The following MDGA2 variants were observed in gnomAD, a reference collection of about 807,000 sequenced individuals.
MDGA2 encodes MAM domain containing glycosylphosphatidylinositol anchor 2.
A neutral mutation model predicts 117.8 loss-of-function variants in MDGA2; 40 were observed. That is an observed-to-expected ratio of 0.34 (90% CI 0.26 to 0.44). The LOEUF (loss-of-function observed/expected upper bound fraction) is 0.44, where lower values mean the gene tolerates loss of function less well. Among genes scored for constraint, MDGA2 ranks in the 20% least tolerant of loss-of-function variants. The pLI is 1.00. For missense variants in MDGA2, 1,123 were observed against 1,250.6 expected (o/e 0.90, Z 1.54); for synonymous variants, 452 against 439.0 (o/e 1.03, Z -0.37).
intron 9 of MDGA2, among the ~76,000 whole-genome samples, chr14:46,928,124 C>T (rs938788905): frequency 2.0e-5 from 3 of 152,048 alleles, no homozygotes; most frequent in African/African-American, 7.2e-5. Context: ...ATAAATGTCT[C>T]ATTTCCCAGA....
At chr14:46,881,824 T>C (rs1330443166) in intron 11 of MDGA2, among the ~76,000 whole-genome samples, 2 of 152,210 alleles carry the variant, frequency 1.3e-5, no homozygotes, top group East Asian at 3.9e-4. Context: ...AGGTTCACAA[T>C]TAACTAAATT....
At chr14:47,222,631 C>T (rs1886343689) in intron 2 of MDGA2, among the ~76,000 whole-genome samples, 1 of 152,030 alleles carries the variant, frequency 6.6e-6, no homozygotes, top group Non-Finnish European at 1.5e-5. Flanking sequence ...AGTCATCTAT[C>T]CACAAGGTAA....
At chr14:47,082,988 G>A (rs1014039885) in intron 6 of MDGA2, among the ~76,000 whole-genome samples, 2 of 151,958 alleles carry the variant, frequency 1.3e-5, no homozygotes, top group Non-Finnish European at 2.9e-5. Flanking sequence ...ATACAAGACT[G>A]GTGAACAAGA....
chr14:47,322,510 C>T (rs905037033), intron 1 of MDGA2, among the ~76,000 whole-genome samples: 17 of 152,162 alleles, frequency 1.1e-4, no homozygotes, highest in Non-Finnish European at 2.1e-4. Flanking sequence ...AACAATCTGA[C>T]GAGGAGATAC....
chr14:47,486,441 G>C (rs1894063235), intron 1 of MDGA2, among the ~76,000 whole-genome samples: 1 of 152,160 alleles, frequency 6.6e-6, no homozygotes, highest in African/African-American at 2.4e-5. Context: ...TCTTCTCTTG[G>C]ATAAGACTTT....
At chr14:47,594,792 A>C (rs141225242) in intron 1 of MDGA2, among the ~76,000 whole-genome samples, 1 of 152,216 alleles carries the variant, frequency 6.6e-6, no homozygotes, top group Non-Finnish European at 1.5e-5. Flanking sequence ...CAACTGTGTA[A>C]CCAGAACTGT....
intron 1 of MDGA2, among the ~76,000 whole-genome samples, chr14:47,632,888 G>T (rs189619257): frequency 3.3e-5 from 5 of 151,530 alleles, no homozygotes; most frequent in Non-Finnish European, 7.4e-5. Flanking sequence ...TGTTTGAACT[G>T]GGACTCTATC....
rs1031387791 is a variant in MDGA2 at position 47,037,626 on chromosome 14, TATTG to T, written c.1526-2326_1526-2323del. 2.8e-4 allele frequency among the ~76,000 whole-genome samples: 42 copies of T among 152,318 alleles called. 1 individual carries two copies. Among genetic ancestry groups the T allele is most frequent in the African/African-American group, 9.4e-4 (39 of 41,586 alleles). On this transcript the variant is annotated intron_variant, in intron 7 of 16. Coordinates refer to ENST00000399232, the MANE Select transcript of MDGA2 (RefSeq NM_001113498.3). ...TTATCTTTTCTTTCTTTTATCCTCT[TATTG>T]ATTTCTTTAGTCATTTATTATTGCT...
intron 6 of MDGA2, among the ~76,000 whole-genome samples, chr14:47,094,519 A>G (rs181692367): frequency 6.6e-6 from 1 of 152,148 alleles, no homozygotes; most frequent in African/African-American, 2.4e-5. Flanking sequence ...TTGTACATGG[A>G]TTCAATATAG....
intron 10 of MDGA2, among the ~76,000 whole-genome samples, chr14:46,905,042 C>A (rs1025433647): frequency 3.9e-5 from 6 of 152,152 alleles, no homozygotes; most frequent in African/African-American, 1.2e-4. Flanking sequence ...GCAGGGACAG[C>A]CCTATTCAAA....
Position 47,147,166 on chromosome 14 carries a change from T to C in MDGA2, c.596-2892A>G, listed in dbSNP as rs1167151127. ...ATGTATGCCCATGTGTAGATATACATACTTATATATATAATAATATATAAT... is the reference window on the plus strand; with the variant it reads ...ATGTATGCCCATGTGTAGATATACACACTTATATATATAATAATATATAAT... On this transcript the variant is annotated intron_variant, in intron 3 of 16. Coordinates refer to ENST00000399232, the MANE Select transcript of MDGA2 (RefSeq NM_001113498.3). 2.0e-5 allele frequency among the ~76,000 whole-genome samples: 3 copies of C among 151,040 alleles called. No individual in the cohort carries two copies. In the East Asian group the frequency reaches 5.8e-4, roughly 29 times the overall value.
At chr14:47,380,423 A>G (rs191608272) in intron 1 of MDGA2, among the ~76,000 whole-genome samples, 1 of 152,272 alleles carries the variant, frequency 6.6e-6, no homozygotes, top group East Asian at 1.9e-4. Context: ...AAAATCAGTG[A>G]ATCCGGGAGC....
At chr14:47,445,169 T>A (rs549567062) in intron 1 of MDGA2, among the ~76,000 whole-genome samples, 16 of 152,206 alleles carry the variant, frequency 1.1e-4, no homozygotes, top group African/African-American at 3.9e-4. Context: ...TCAAGTCTCC[T>A]GGTATGCTTT....
At chr14:47,009,781 AAG>A (rs1435589947) in intron 8 of MDGA2, among the ~76,000 whole-genome samples, 4 of 151,858 alleles carry the variant, frequency 2.6e-5, no homozygotes, top group African/African-American at 9.7e-5. Flanking sequence ...CAGCAGCAGG[AAG>A]AGACAGACAA....
At chr14:47,612,209 C>CAGATAGATAGATAGATAGAT (rs3985115) in intron 1 of MDGA2, among the ~76,000 whole-genome samples, 12 of 145,692 alleles carry the variant, frequency 8.2e-5, no homozygotes, top group East Asian at 2.1e-4. Context: ...GATAGATAGA[C>CAGATAGATAGATAGATAGAT]AGATAGATAG....
At chr14:47,327,026 A>T (rs1259776314) in intron 1 of MDGA2, among the ~76,000 whole-genome samples, 1 of 152,170 alleles carries the variant, frequency 6.6e-6, no homozygotes, top group Non-Finnish European at 1.5e-5. Flanking sequence ...TGGAACTAGG[A>T]GGGCTAGAAG....
intron 9 of MDGA2, among the ~76,000 whole-genome samples, chr14:46,922,863 C>T (rs1170786143): frequency 1.3e-5 from 2 of 152,172 alleles, no homozygotes; most frequent in African/African-American, 4.8e-5. Flanking sequence ...GACTGAGAGA[C>T]ATCAGATAAT....
At chr14:46,940,281 T>C (rs909683407) in intron 9 of MDGA2, among the ~76,000 whole-genome samples, 9 of 152,216 alleles carry the variant, frequency 5.9e-5, no homozygotes, top group African/African-American at 1.7e-4. Flanking sequence ...AAATATACTA[T>C]AAGCTGCATA....
At chr14:47,508,352 ACTCTCT>A (rs3039658) in intron 1 of MDGA2, among the ~76,000 whole-genome samples, 2,142 of 132,820 alleles carry the variant, frequency 0.016, 49 homozygotes, top group African/African-American at 0.058. Context: ...TTGCTGATTG[ACTCTCT>A]CTCTCTCTCT....
Sources: allele counts gnomAD v4.1 joint callset (sites outside exome capture counted in the v4.1 genomes callset), GRCh38; gene constraint gnomAD v4.1.1; transcripts MANE v1.5; gene names NCBI Gene and HGNC (gene_info 2026-07-23, HGNC 2026-07-21).